INPP5A: variants seen among roughly 807,000 people sequenced by gnomAD.
INPP5A encodes the protein inositol polyphosphate-5-phosphatase A, also known as 43 kDa inositol polyphosphate 5-phophatase.
INPP5A carries 14 observed loss-of-function variants against 65.2 expected under a neutral mutation model. That is an observed-to-expected ratio of 0.21 (90% CI 0.14 to 0.34). INPP5A has a LOEUF of 0.34. INPP5A is among the 10% of genes least tolerant of loss of function. The probability of loss-of-function intolerance (pLI) is 1.00; values close to 1 mark genes in which losing one functional copy is unlikely to be tolerated. For missense variants in INPP5A, 431 were observed against 545.6 expected (o/e 0.79, Z 2.09); for synonymous variants, 207 against 208.3 (o/e 0.99, Z 0.05).
chr10:132,667,947 C>T (rs2072829480), intron 4 of INPP5A, among the ~76,000 whole-genome samples: 1 of 152,144 alleles, frequency 6.6e-6, no homozygotes, highest in African/African-American at 2.4e-5. Context: ...GATTCATCCG[C>T]CTCACCAACA....
chr10:132,686,027 C>T (rs1012403201), intron 4 of INPP5A, among the ~76,000 whole-genome samples: 1 of 152,240 alleles, frequency 6.6e-6, no homozygotes, highest in African/African-American at 2.4e-5. Context: ...CCCTGGTCGC[C>T]AGTTGGTGTG....
chr10:132,747,804 T>G (rs1021290470), intron 9 of INPP5A, among the ~76,000 whole-genome samples: 3 of 152,218 alleles, frequency 2.0e-5, no homozygotes, highest in African/African-American at 7.2e-5. Context: ...ATCCTAGCAC[T>G]TTGGGAGGCT....
intron 2 of INPP5A, among the ~76,000 whole-genome samples, chr10:132,628,475 G>T (rs1044243999): frequency 3.3e-5 from 5 of 150,864 alleles, no homozygotes; most frequent in African/African-American, 1.2e-4. Flanking sequence ...GGGGGGGGGG[G>T]GGGCGTGGCG....
chr10:132,666,276 A>G (rs1261014913), intron 4 of INPP5A, among the ~76,000 whole-genome samples: 1 of 152,196 alleles, frequency 6.6e-6, no homozygotes, highest in Non-Finnish European at 1.5e-5. Flanking sequence ...AGGGAGAGCC[A>G]TTTGAACACA....
intron 14 of INPP5A, 45 bp from the exon 15 acceptor site, chr10:132,781,816 G>A (rs756280083): frequency 1.7e-5 from 26 of 1,504,150 alleles, no homozygotes; most frequent in East Asian, 1.1e-4. Context: ...GTGCTGTGCT[G>A]TCCCGCGTGC....
In INPP5A at chr10:132,645,966, C is replaced by G; in HGVS notation, c.216C>G (p.Val72=). 1 of 1,610,714 alleles carries G rather than the reference C, an allele frequency of 6.2e-7. No individual in the cohort carries two copies. Among genetic ancestry groups the G allele is most frequent in the Non-Finnish European group, 8.5e-7 (1 of 1,177,138 alleles). The part of the protein sequence containing the change: ...EASMSHVDKF[V]KELLSSDAMK... ...CCATGTCCCACGTGGACAAGTTCGT[C>G]AAGTAAGTCTAGGGGCAGGTGCTGG... The change falls in exon 3 of 16, where the codon GTC becomes GTG. Residue 72 remains valine, a splice_region_variant and synonymous_variant. Coordinates refer to ENST00000368594, the MANE Select transcript of INPP5A (RefSeq NM_005539.5).
At chr10:132,748,683 C>T (rs538547306) in intron 9 of INPP5A, among the ~76,000 whole-genome samples, 38 of 152,360 alleles carry the variant, frequency 2.5e-4, no homozygotes, top group East Asian at 1.2e-3. Context: ...CAGCCAGGAC[C>T]GTGCCTCCTG....
At chr10:132,602,591 G>A (rs1023465961) in intron 1 of INPP5A, among the ~76,000 whole-genome samples, 6 of 152,118 alleles carry the variant, frequency 3.9e-5, no homozygotes, top group Non-Finnish European at 7.4e-5. Context: ...CACTGCGCCC[G>A]GCCTTATTTC....
chr10:132,592,202 T>G (rs1290091634), intron 1 of INPP5A, among the ~76,000 whole-genome samples: 5 of 152,074 alleles, frequency 3.3e-5, no homozygotes. Flanking sequence ...GGCAACAGTT[T>G]GAAAACATAA....
chr10:132,663,092 A>G lies in INPP5A; in HGVS notation c.306+12587A>G, dbSNP rs961927426. On this transcript the variant is annotated intron_variant, in intron 4 of 15. Transcript: ENST00000368594. This position sits in a 1 kb window ranked among gnomAD's most constrained non-coding sequence, Gnocchi z 4.5. Reference sequence around the variant, plus strand: ...AGCTGGCCCCTCGAACGGACTGTGCACACCACTGTGTGTCTCACAACTCAG... The same window carrying G: ...AGCTGGCCCCTCGAACGGACTGTGCGCACCACTGTGTGTCTCACAACTCAG... 1.3e-5 allele frequency among the ~76,000 whole-genome samples: 2 copies of G among 152,106 alleles called. No homozygotes were observed. Among genetic ancestry groups the G allele is most frequent in the African/African-American group, 4.8e-5 (2 of 41,450 alleles).
intron 2 of INPP5A, among the ~76,000 whole-genome samples, chr10:132,643,038 C>T (rs1376157481): frequency 1.3e-5 from 2 of 152,128 alleles, no homozygotes; most frequent in African/African-American, 2.4e-5. Context: ...AGTCATTTTC[C>T]TCAGTTGTTT....
Position 132,698,565 on chromosome 10 carries a change from A to G in INPP5A, c.474+646A>G, listed in dbSNP as rs1426547813. Among the ~76,000 whole-genome samples the G allele has an allele frequency of 6.6e-6, 1 of 152,192 alleles. No individual in the cohort carries two copies. The highest frequency in any genetic ancestry group is 2.4e-5 in the African/African-American group (1 of 41,440). The stretch of plus-strand genomic sequence containing the variant: ...TGCACGTGATCTTTGGGTAAACCTC[A>G]CACGCGGCATTGTCGGCGTCTCCCT... On this transcript the variant is annotated intron_variant, in intron 6 of 15. Transcript: ENST00000368594. The surrounding 1 kb of genome is among the most constrained non-coding windows in gnomAD (Gnocchi z 5.5).
chr10:132,616,795 G>A lies in INPP5A; in HGVS notation c.117+8839G>A, dbSNP rs978585614. On this transcript the variant is annotated intron_variant, in intron 2 of 15. Transcript: ENST00000368594. The surrounding 1 kb of genome is among the most constrained non-coding windows in gnomAD (Gnocchi z 4.9). The stretch of plus-strand genomic sequence containing the variant: ...GGGGATATGGGGTCCTGGATCTCCT[G>A]TAGCTCTGGCCAGTGGCGAGTGGCA... 1.3e-5 allele frequency among the ~76,000 whole-genome samples: 2 copies of A among 152,014 alleles called. No individual in the cohort carries two copies. Among genetic ancestry groups the A allele is most frequent in the African/African-American group, 2.4e-5 (1 of 41,350 alleles).
intron 2 of INPP5A, among the ~76,000 whole-genome samples, chr10:132,645,458 G>C (rs2072481086): frequency 6.6e-6 from 1 of 152,228 alleles, no homozygotes; most frequent in African/African-American, 2.4e-5. Flanking sequence ...ATGCACACGT[G>C]TGCACCCTTG....
chr10:132,757,596 G>A (rs551083288), intron 11 of INPP5A, among the ~76,000 whole-genome samples: 66 of 152,364 alleles, frequency 4.3e-4, no homozygotes, highest in African/African-American at 1.4e-3. Flanking sequence ...CCGTCGTTCC[G>A]TGACACGTGA....
rs1366533817 is a variant in INPP5A at position 132,775,207 on chromosome 10, GGGGGCAGGGGGA to G, written c.978-2444_978-2433del. ...GAGAGAGGGAGGGGCAGGGAGGAGA[GGGGGCAGGGGGA>G]GGGGCAGGGGGAGGGGCAGTGCCTG... is the stretch of plus-strand genomic sequence containing the variant. On this transcript the variant is annotated intron_variant, in intron 12 of 15. Transcript: ENST00000368594. Among the ~76,000 whole-genome samples, 35 of 98,648 alleles carry G rather than the reference GGGGGCAGGGGGA, an allele frequency of 3.5e-4. 1 individual carries two copies. Among genetic ancestry groups the G allele is most frequent in the Non-Finnish European group, 6.1e-4 (27 of 44,272 alleles). The allele number at this position is 98,648 out of a possible 152,430, so 64.7% of individuals were successfully genotyped here.
At chr10:132,680,533 T>C (rs1022103376) in intron 4 of INPP5A, among the ~76,000 whole-genome samples, 3 of 152,266 alleles carry the variant, frequency 2.0e-5, no homozygotes, top group Non-Finnish European at 4.4e-5. Flanking sequence ...TCTCGGCGCC[T>C]GCTCTGCCTG....
At chr10:132,725,439 C>T (rs1008792249) in intron 8 of INPP5A, among the ~76,000 whole-genome samples, 1 of 152,204 alleles carries the variant, frequency 6.6e-6, no homozygotes, top group Non-Finnish European at 1.5e-5. Flanking sequence ...TCAGCGGTGG[C>T]GGCGGGGCAA....
intron 2 of INPP5A, among the ~76,000 whole-genome samples, chr10:132,628,528 C>T (rs571402106): frequency 2.1e-5 from 3 of 141,574 alleles, no homozygotes; most frequent in East Asian, 4.5e-4. Context: ...ATTTCCTTTC[C>T]GGATGGGGAA....
Sources: allele counts gnomAD v4.1 joint callset (sites outside exome capture counted in the v4.1 genomes callset), GRCh38; gene constraint gnomAD v4.1.1; non-coding constraint Gnocchi (gnomAD v3.1); transcripts MANE v1.5; gene names NCBI Gene and HGNC (gene_info 2026-07-23, HGNC 2026-07-21).